The following TMEM272 variants were observed in gnomAD, a reference collection of about 807,000 sequenced individuals.
TMEM272 encodes the protein long intergenic non-protein coding RNA 282.
A neutral mutation model predicts 3.7 loss-of-function variants in TMEM272; 8 were observed. The ratio of observed to expected loss-of-function variants is 2.17; its 90% CI spans 1.27 to 3.91. The LOEUF (loss-of-function observed/expected upper bound fraction) is 3.91. TMEM272 is among the 30% of genes most tolerant of loss of function. TMEM272 has a pLI of 0.00. For missense variants in TMEM272, 166 were observed against 91.5 expected, an observed-to-expected ratio of 1.81 and a Z score of -3.32; for synonymous variants, 63 against 39.8, an observed-to-expected ratio of 1.58 and a Z score of -2.20.
At chr13:51,896,043 A>C in the TMEM272 span, among the ~76,000 whole-genome samples, 5 of 152,206 alleles carry the variant, frequency 3.3e-5, no homozygotes, top group Non-Finnish European at 7.3e-5. Flanking sequence ...TGCTTTCAAA[A>C]GCTCTTTTCT....
chr13:51,908,729 G>A, the TMEM272 span: 1 of 1,468,334 alleles, frequency 6.8e-7, no homozygotes, highest in Non-Finnish European at 9.5e-7. Context: ...CTAGTCCAGA[G>A]CGTCTAGCAG....
At chr13:51,900,914 A>G in the TMEM272 span, among the ~76,000 whole-genome samples, 1 of 152,244 alleles carries the variant, frequency 6.6e-6, no homozygotes, top group Non-Finnish European at 1.5e-5. Context: ...CTCAGAATAG[A>G]CAATTCTGTA....
chr13:51,888,652 T>C, the TMEM272 span, among the ~76,000 whole-genome samples: 3 of 134,810 alleles, frequency 2.2e-5, no homozygotes, highest in African/African-American at 5.6e-5. Context: ...TTTTTTTTTT[T>C]TTTTTTTTTT....
At chr13:51,851,004 G>A in the TMEM272 span, among the ~76,000 whole-genome samples, 4 of 152,022 alleles carry the variant, frequency 2.6e-5, no homozygotes, top group Non-Finnish European at 5.9e-5. Flanking sequence ...CCTCTGTAGG[G>A]GTATGGTATA....
chr13:51,915,613 T>C, the TMEM272 span, among the ~76,000 whole-genome samples: 1 of 152,326 alleles, frequency 6.6e-6, no homozygotes, highest in African/African-American at 2.4e-5. Flanking sequence ...CCTGTCACCA[T>C]GCCCCTGGGT....
At chr13:51,921,852 A>G in the TMEM272 span, among the ~76,000 whole-genome samples, 4 of 152,032 alleles carry the variant, frequency 2.6e-5, no homozygotes, top group Non-Finnish European at 4.4e-5. Context: ...CAGAAACTCA[A>G]CCTGATGTAA....
chr13:51,852,836 G>A, the TMEM272 span, among the ~76,000 whole-genome samples: 34 of 148,682 alleles, frequency 2.3e-4, no homozygotes, highest in African/African-American at 7.5e-4. Context: ...CCAAGATCGC[G>A]CCATTGCACC....
the TMEM272 span, among the ~76,000 whole-genome samples, chr13:51,907,225 T>G: frequency 6.6e-6 from 1 of 152,216 alleles, no homozygotes; most frequent in Non-Finnish European, 1.5e-5. Context: ...GAGCCCTTCA[T>G]GAGAGGCCAC....
the TMEM272 span, among the ~76,000 whole-genome samples, chr13:51,913,157 C>A: frequency 6.6e-6 from 1 of 152,154 alleles, no homozygotes; most frequent in African/African-American, 2.4e-5. Flanking sequence ...CAGTTGAGGA[C>A]CTCGGGTTGA....
At chr13:51,872,776 G>C in the TMEM272 span, among the ~76,000 whole-genome samples, 2 of 152,238 alleles carry the variant, frequency 1.3e-5, no homozygotes, top group Non-Finnish European at 1.5e-5. Context: ...GAGGGTGTTA[G>C]AACAATGGAG....
At chr13:51,868,621 C>G in the TMEM272 span, among the ~76,000 whole-genome samples, 2 of 152,204 alleles carry the variant, frequency 1.3e-5, no homozygotes, top group Admixed American at 6.5e-5. Context: ...TTCCCTTAGC[C>G]AGCACCTGTG....
At chr13:51,838,629 C>T in intron 1 of TMEM272, 76 bp from the exon 2 acceptor site, 1 of 701,140 alleles carries the variant, frequency 1.4e-6, no homozygotes, top group Admixed American at 2.0e-5. Context: ...CCTCTCTGTG[C>T]ATGTCAGTGG....
chr13:51,890,628 C>G, the TMEM272 span, among the ~76,000 whole-genome samples: 4,318 of 152,222 alleles, frequency 0.028, 185 homozygotes, highest in African/African-American at 0.098. Context: ...CTAAGACACC[C>G]AGCAGAATCA....
At chr13:51,876,054 C>T in the TMEM272 span, among the ~76,000 whole-genome samples, 1 of 152,224 alleles carries the variant, frequency 6.6e-6, no homozygotes, top group Non-Finnish European at 1.5e-5. Context: ...CACTGACCGG[C>T]TCCTTTTCAT....
chr13:51,874,899 T>C, the TMEM272 span, among the ~76,000 whole-genome samples: 2 of 152,328 alleles, frequency 1.3e-5, no homozygotes, highest in East Asian at 3.9e-4. Flanking sequence ...TATAAAACAA[T>C]GCTTCGTGAC....
chr13:51,849,197 CT>C (rs528818773), upstream of TMEM272, among the ~76,000 whole-genome samples: 140 of 152,296 alleles, frequency 9.2e-4, 1 homozygote, highest in African/African-American at 3.1e-3. Flanking sequence ...ACAGGCACCC[CT>C]GACCCATGCT....
At chr13:51,923,968 T>C in the TMEM272 span, among the ~76,000 whole-genome samples, 20 of 152,280 alleles carry the variant, frequency 1.3e-4, no homozygotes, top group Admixed American at 3.3e-4. Flanking sequence ...CGAAGCCCCT[T>C]TGGGGGCTCT....
the TMEM272 span, among the ~76,000 whole-genome samples, chr13:51,893,181 C>G: frequency 6.6e-6 from 1 of 152,204 alleles, no homozygotes; most frequent in African/African-American, 2.4e-5. Context: ...AGAAGTCAAA[C>G]TAAGGAGACC....
chr13:51,896,957 G>A, the TMEM272 span, among the ~76,000 whole-genome samples: 1 of 152,168 alleles, frequency 6.6e-6, no homozygotes, highest in Non-Finnish European at 1.5e-5. Context: ...GAGTTAGTCT[G>A]CCGCAGTTCC....
Sources: gnomAD v4.1 joint callset for allele counts (sites outside exome capture counted in the v4.1 genomes callset) on GRCh38, gnomAD v4.1.1 for gene constraint, MANE v1.5 for transcripts, NCBI Gene and HGNC (gene_info 2026-07-23, HGNC 2026-07-21) for gene names.